Variants in COL28A1 observed in about 807,000 individuals in gnomAD.
COL28A1 encodes the protein collagen type XXVIII alpha 1 chain.
A neutral mutation model predicts 150.2 loss-of-function variants in COL28A1; 161 were observed. The ratio of observed to expected loss-of-function variants is 1.07; its 90% CI spans 0.94 to 1.22. The LOEUF (loss-of-function observed/expected upper bound fraction) is 1.22. COL28A1 is among the 50% of genes most tolerant of loss of function. COL28A1 has a pLI of 0.00. For synonymous variants in COL28A1, 552 were observed against 469.7 expected, an observed-to-expected ratio of 1.18 and a Z score of -2.26; for missense variants, 1,617 against 1,388.3, an observed-to-expected ratio of 1.16 and a Z score of -2.62.
rs1368279392 is a variant in COL28A1, at chr7:7,497,098, G to GAAGGAAGA, written c.1027-6453_1027-6452insTCTTCCTT. On this transcript the variant is annotated intron_variant, in intron 11 of 34. Transcript: ENST00000399429. The stretch of plus-strand genomic sequence containing the variant: ...GGAAGGAAGAAAGGAAGGAAGAAAG[G>GAAGGAAGA]AAGGAAGGAAGGAAGGAAGGAAGGA... 2.3e-3 allele frequency among the ~76,000 whole-genome samples: 294 copies of GAAGGAAGA among 129,240 alleles called. 1 individual carries two copies. The highest frequency in any genetic ancestry group is 7.8e-3 in the Middle Eastern group (2 of 256). The allele number at this position is 129,240 out of a possible 152,430, so 84.8% of individuals were successfully genotyped here. A position where few individuals can be genotyped will look rare whatever the true frequency, so the allele number is the denominator to read the frequency against.
intron 11 of COL28A1, among the ~76,000 whole-genome samples, chr7:7,494,308 T>C (rs1780085886): frequency 6.6e-6 from 1 of 152,166 alleles, no homozygotes; most frequent in South Asian, 2.1e-4. Context: ...TGTTCTGTCT[T>C]GGCCTCCCAA....
chr7:7,439,367 A>C (rs1785586448), intron 21 of COL28A1, among the ~76,000 whole-genome samples: 1 of 152,144 alleles, frequency 6.6e-6, no homozygotes, highest in African/African-American at 2.4e-5. Context: ...ACACAAAAAA[A>C]CCCCATCCAA....
chr7:7,528,626 C>A lies in COL28A1; in HGVS notation c.681+2722G>T, dbSNP rs545014714. Reference sequence around the variant, plus strand: ...AGTTTGAAAATCATTATACTGGGTACAAGAAGCCTGACACAAAAATAATAC... The same window carrying A: ...AGTTTGAAAATCATTATACTGGGTAAAAGAAGCCTGACACAAAAATAATAC... On this transcript the variant is annotated intron_variant, in intron 3 of 34. Coordinates refer to ENST00000399429, the MANE Select transcript of COL28A1 (RefSeq NM_001037763.3). 3.9e-5 allele frequency among the ~76,000 whole-genome samples: 6 copies of A among 152,212 alleles called. No individual in the cohort carries two copies. The South Asian group carries it at 1.2e-3, about 32-fold the overall frequency.
At chr7:7,499,378 T>A (rs1780396435) in intron 11 of COL28A1, among the ~76,000 whole-genome samples, 1 of 152,186 alleles carries the variant, frequency 6.6e-6, no homozygotes, top group Non-Finnish European at 1.5e-5. Flanking sequence ...AAATTACTGT[T>A]TTTGGACAAC....
At chr7:7,531,169 T>C (rs539713582) in intron 3 of COL28A1, among the ~76,000 whole-genome samples, 179 bp downstream of exon 3, 21 of 152,304 alleles carry the variant, frequency 1.4e-4, no homozygotes, top group Non-Finnish European at 2.6e-4. Context: ...CTTTTCCAGA[T>C]TGTCTGGAGT....
Position 7,445,847 on chromosome 7 carries a change from T to G in COL28A1, c.1510-1358A>C, listed in dbSNP as rs1220180795. Among the ~76,000 whole-genome samples, 4 of 149,324 alleles carry G rather than the reference T, an allele frequency of 2.7e-5. No homozygotes were observed. In the East Asian group the frequency reaches 7.8e-4, roughly 29 times the overall value. On this transcript the variant is annotated intron_variant, in intron 18 of 34. Coordinates refer to ENST00000399429, the MANE Select transcript of COL28A1 (RefSeq NM_001037763.3). ...ACTTGAAAACAAAAAGTAAGAAGAT[T>G]CATAAAACTTAATGCCTTTTTTTTT...
At chr7:7,458,728 GCCAT>G (rs1339757074) in intron 15 of COL28A1, among the ~76,000 whole-genome samples, 1 of 152,066 alleles carries the variant, frequency 6.6e-6, no homozygotes, top group Non-Finnish European at 1.5e-5. Flanking sequence ...CTGTAAAGTG[GCCAT>G]CCCCATTTTT....
chr7:7,440,301 T>G (rs539209562), intron 21 of COL28A1, among the ~76,000 whole-genome samples: 1 of 152,362 alleles, frequency 6.6e-6, no homozygotes, highest in East Asian at 1.9e-4. Context: ...TCTTTTAGTC[T>G]TCACAACAAC....
intron 26 of COL28A1, 69 bp from the exon 27 acceptor site, chr7:7,417,996 T>G: frequency 7.9e-7 from 1 of 1,267,398 alleles, no homozygotes; most frequent in Non-Finnish European, 1.1e-6. Context: ...CGTTAAGTAT[T>G]ACTACTCTCA....
chr7:7,526,778 G>C (rs979707689), intron 3 of COL28A1, among the ~76,000 whole-genome samples: 1 of 152,076 alleles, frequency 6.6e-6, no homozygotes, highest in African/African-American at 2.4e-5. Flanking sequence ...TGGAATTACA[G>C]AGCACGCCAA....
chr7:7,536,774 T>C (rs1334951712), upstream of COL28A1, among the ~76,000 whole-genome samples: 1 of 152,206 alleles, frequency 6.6e-6, no homozygotes, highest in Non-Finnish European at 1.5e-5. Flanking sequence ...ATTTCCTTAT[T>C]ACAGCAATAA....
At chr7:7,498,058 A>G (rs907206264) in intron 11 of COL28A1, among the ~76,000 whole-genome samples, 1 of 152,210 alleles carries the variant, frequency 6.6e-6, no homozygotes, top group Non-Finnish European at 1.5e-5. Context: ...TAAAAATTAT[A>G]TTGAACCACA....
chr7:7,378,982 C>T (rs73674512), intron 30 of COL28A1, among the ~76,000 whole-genome samples: 121 of 152,326 alleles, frequency 7.9e-4, no homozygotes, highest in African/African-American at 2.8e-3. Context: ...GCTGTTTGGC[C>T]ACTTCTTGGC....
intron 27 of COL28A1, among the ~76,000 whole-genome samples, chr7:7,388,635 C>T (rs999617403): frequency 5.9e-5 from 9 of 152,074 alleles, no homozygotes; most frequent in African/African-American, 1.9e-4. Flanking sequence ...ACTGTAAAAG[C>T]ATTCCTATTT....
chr7:7,457,409 T>C (rs941602766), intron 15 of COL28A1, among the ~76,000 whole-genome samples: 3 of 151,886 alleles, frequency 2.0e-5, no homozygotes, highest in African/African-American at 7.3e-5. Flanking sequence ...CAGAATAGAG[T>C]TGTCATTGAC....
At chr7:7,406,163 A>G (rs1032012257) in intron 27 of COL28A1, among the ~76,000 whole-genome samples, 2 of 152,158 alleles carry the variant, frequency 1.3e-5, no homozygotes, top group African/African-American at 4.8e-5. Context: ...ACACTACTGA[A>G]CTTCCACTAC....
rs6968394 is a variant in COL28A1 at position 7,488,101 on chromosome 7, G to T, written c.1164+1288C>A. The stretch of plus-strand genomic sequence containing the variant: ...TCATGTCAACCCGCAAAATCATAAG[G>T]AATAACAAATTATTGTTTTAAGGCA... On this transcript the variant is annotated intron_variant, in intron 13 of 34. Coordinates refer to ENST00000399429, the MANE Select transcript of COL28A1 (RefSeq NM_001037763.3). Among the ~76,000 whole-genome samples, 114 of 152,144 alleles carry T rather than the reference G, an allele frequency of 7.5e-4. 1 individual carries two copies. Among genetic ancestry groups the T allele is most frequent in the African/African-American group, 2.5e-3 (105 of 41,498 alleles).
intron 25 of COL28A1, among the ~76,000 whole-genome samples, chr7:7,427,500 C>G (rs1052461397): frequency 6.6e-6 from 1 of 152,188 alleles, no homozygotes; most frequent in Non-Finnish European, 1.5e-5. Context: ...ATGGAATTCA[C>G]ACATTCCTAA....
chr7:7,472,550 C>T (rs547675113), intron 15 of COL28A1, among the ~76,000 whole-genome samples: 81 of 152,298 alleles, frequency 5.3e-4, no homozygotes, highest in Admixed American at 1.8e-3. Context: ...AAACACATCC[C>T]ATGCTCATGG....
Sources: gnomAD v4.1 joint callset for allele counts (sites outside exome capture counted in the v4.1 genomes callset) on GRCh38, gnomAD v4.1.1 for gene constraint, MANE v1.5 for transcripts, NCBI Gene and HGNC (gene_info 2026-07-23, HGNC 2026-07-21) for gene names.